The following MAML2 variants were observed in gnomAD, a reference collection of about 807,000 sequenced individuals.
The protein encoded by MAML2 is mastermind like transcriptional coactivator 2, also known as mastermind-like protein 2.
In MAML2, 22 loss-of-function variants were observed where a neutral mutation model predicts 96.1. The ratio of observed to expected loss-of-function variants is 0.23; its 90% CI spans 0.16 to 0.33. The LOEUF (loss-of-function observed/expected upper bound fraction) is 0.33, where lower values mean the gene tolerates loss of function less well. MAML2 is among the 10% of genes least tolerant of loss of function. The probability of loss-of-function intolerance (pLI) is 1.00; values close to 1 mark genes in which losing one functional copy is unlikely to be tolerated. For synonymous variants in MAML2, 561 were observed against 521.3 expected (o/e 1.08, Z -1.04); for missense variants, 1,367 against 1,392.4 (o/e 0.98, Z 0.29).
intron 1 of MAML2, among the ~76,000 whole-genome samples, chr11:96,124,606 T>C (rs771904990): frequency 2.0e-5 from 3 of 152,210 alleles, no homozygotes; most frequent in African/African-American, 7.2e-5. Context: ...TAAAGTTCTG[T>C]AGACACCAGG....
intron 1 of MAML2, among the ~76,000 whole-genome samples, chr11:96,294,760 A>C (rs140322294): frequency 1.2e-4 from 18 of 152,324 alleles, no homozygotes; most frequent in African/African-American, 4.1e-4. Flanking sequence ...CCAATTTATC[A>C]ACACTATAAA....
chr11:96,241,874 GT>G (rs778101850), intron 1 of MAML2, among the ~76,000 whole-genome samples: 3 of 150,970 alleles, frequency 2.0e-5, no homozygotes, highest in Non-Finnish European at 4.4e-5. Flanking sequence ...GTTTGAATTA[GT>G]TTGTTTGGTC....
At chr11:96,260,544 G>A (rs555329) in intron 1 of MAML2, among the ~76,000 whole-genome samples, 88,988 of 152,008 alleles carry the variant, frequency 0.59, 26,361 homozygotes, top group South Asian at 0.76. Flanking sequence ...TTTCTGATAA[G>A]AGGAACACCA....
chr11:96,330,304 C>T (rs1312969807), intron 1 of MAML2, among the ~76,000 whole-genome samples: 1 of 152,172 alleles, frequency 6.6e-6, no homozygotes, highest in Admixed American at 6.5e-5. Context: ...GTTTGTTAAG[C>T]TGTGCCATGT....
intron 1 of MAML2, among the ~76,000 whole-genome samples, chr11:96,283,701 A>G (rs898821313): frequency 3.3e-5 from 5 of 152,206 alleles, no homozygotes; most frequent in African/African-American, 1.2e-4. Context: ...CTGGATTCAC[A>G]AGGGTCGCTG....
rs12164810 is a variant in MAML2 at position 96,166,154 on chromosome 11, G to C, written c.514-72637C>G. Among the ~76,000 whole-genome samples the C allele has an allele frequency of 2.0e-3, 227 of 113,830 alleles. 1 individual carries two copies. Among genetic ancestry groups the C allele is most frequent in the East Asian group, 0.012 (51 of 4,100 alleles). 74.7% of individuals were successfully genotyped at this position (113,830 alleles called of 152,430 possible). A position where few individuals can be genotyped will look rare whatever the true frequency, so the allele number is the denominator to read the frequency against. On this transcript the variant is annotated intron_variant, in intron 1 of 4. Coordinates refer to ENST00000524717, the MANE Select transcript of MAML2 (RefSeq NM_032427.4). ...TTTCTCTGTCTCTCTCTCTCTGTCT[G>C]TCTCTCTCTCTCTCTCTCTCTCTCA...
At chr11:96,191,076 A>G (rs1861645632) in intron 1 of MAML2, among the ~76,000 whole-genome samples, 1 of 152,202 alleles carries the variant, frequency 6.6e-6, no homozygotes, top group Non-Finnish European at 1.5e-5. Context: ...ATACCAGGCT[A>G]TAGATGCAGA....
intron 2 of MAML2, among the ~76,000 whole-genome samples, chr11:96,045,918 T>C (rs201655551): frequency 0.042 from 6,305 of 150,536 alleles, 406 homozygotes; most frequent in African/African-American, 0.13. Flanking sequence ...TTTTTTTTTT[T>C]CCCCCATTCC....
intron 1 of MAML2, among the ~76,000 whole-genome samples, chr11:96,224,513 C>T (rs1862184669): frequency 6.6e-6 from 1 of 152,172 alleles, no homozygotes; most frequent in East Asian, 1.9e-4. Flanking sequence ...CAAGTTCTTC[C>T]AAGATGTCTT....
At chr11:96,205,254 A>C (rs16923264) in intron 1 of MAML2, among the ~76,000 whole-genome samples, 11,414 of 152,280 alleles carry the variant, frequency 0.075, 492 homozygotes, top group Middle Eastern at 0.11. Flanking sequence ...TGAATGCAGC[A>C]AACTTACCAA....
chr11:96,249,518 T>A (rs1228372090), intron 1 of MAML2, among the ~76,000 whole-genome samples: 1 of 152,072 alleles, frequency 6.6e-6, no homozygotes, highest in Non-Finnish European at 1.5e-5. Flanking sequence ...TCTTCTTTCC[T>A]CAGTAACCAA....
At position 96,163,964 on chromosome 11, in the gene MAML2, G is replaced by T. The variant is rs188836660; in HGVS notation, c.514-70447C>A. 4.6e-3 allele frequency among the ~76,000 whole-genome samples: 702 copies of T among 151,234 alleles called. 7 individuals are homozygous for T. The highest frequency in any genetic ancestry group is 0.016 in the African/African-American group (669 of 41,114). On this transcript the variant is annotated intron_variant, in intron 1 of 4. Coordinates refer to ENST00000524717, the MANE Select transcript of MAML2 (RefSeq NM_032427.4). ...TGCAACCTCTGCCTCCCGGGTTCAA[G>T]CGATTCTCCTACCTCAGCCTCCTGA...
intron 2 of MAML2, among the ~76,000 whole-genome samples, chr11:96,064,650 G>A (rs1016736251): frequency 6.6e-6 from 1 of 152,160 alleles, no homozygotes; most frequent in Non-Finnish European, 1.5e-5. Flanking sequence ...AATATATTCA[G>A]ACTGTGGACT....
intron 1 of MAML2, among the ~76,000 whole-genome samples, chr11:96,323,674 C>A (rs977568490): frequency 4.6e-5 from 7 of 152,228 alleles, no homozygotes; most frequent in South Asian, 2.1e-4. Context: ...AACAATTCAT[C>A]CGGAATCTCT....
intron 1 of MAML2, among the ~76,000 whole-genome samples, chr11:96,332,284 G>C (rs1004996420): frequency 3.9e-5 from 6 of 152,206 alleles, no homozygotes; most frequent in African/African-American, 1.4e-4. Flanking sequence ...AAGGGCTCCT[G>C]AGCCAGTATC....
chr11:96,125,902 G>C (rs1860430530), intron 1 of MAML2, among the ~76,000 whole-genome samples: 1 of 152,164 alleles, frequency 6.6e-6, no homozygotes, highest in Non-Finnish European at 1.5e-5. Context: ...GAAGCAAAGG[G>C]CGTAGATTCT....
In MAML2 at chr11:96,341,829, G is replaced by A; in HGVS notation, c.67C>T (p.Leu23Phe). Residue 23 changes from leucine (L) to phenylalanine (F), a missense_variant, in exon 1 of 5, where the codon CTT becomes TTT. Leu to Phe is a conservative substitution (Grantham distance 22). Transcript: ENST00000524717. ...CTCGGGGTGACTGAGCCCCCTCCAA[G>A]GAGCCCCGCCCCAGAGGCCCCCCCT... ...GLGGASGAGLLGGGSVTPRVH... is the reference protein window; with the variant it reads ...GLGGASGAGLFGGGSVTPRVH... 1.3e-6 allele frequency: 2 copies of A among 1,584,046 alleles called. No individual in the cohort carries two copies. The highest frequency in any genetic ancestry group is 2.3e-5 in the East Asian group (1 of 43,664).
chr11:96,254,473 C>A (rs1340627245), intron 1 of MAML2, among the ~76,000 whole-genome samples: 1 of 147,532 alleles, frequency 6.8e-6, no homozygotes, highest in African/African-American at 2.5e-5. Flanking sequence ...GAAGTAAAAT[C>A]TTTGGGATCT....
Position 96,092,390 on chromosome 11 carries a change from T to G in MAML2, c.1641A>C (p.Pro547=). Residue 547 remains proline, a synonymous_variant, in exon 2 of 5, where the codon CCA becomes CCC. Coordinates refer to ENST00000524717, the MANE Select transcript of MAML2 (RefSeq NM_032427.4). This position sits in a 1 kb window ranked among gnomAD's most constrained non-coding sequence, Gnocchi z 4.1. ...TGTTGCCCTGACGGGGCTCCATGGC[T>G]GGGTGCGGGTTGTTAATAAAACTTC... ...LSRSFINNPH[P]AMEPRQGNTK... is the part of the protein sequence containing the mutation. 1.9e-6 allele frequency: 3 copies of G among 1,613,966 alleles called. No individual in the cohort carries two copies. The highest frequency in any genetic ancestry group is 1.7e-6 in the Non-Finnish European group (2 of 1,179,888).
Sources: gnomAD v4.1 joint callset for allele counts (sites outside exome capture counted in the v4.1 genomes callset) on GRCh38, gnomAD v4.1.1 for gene constraint, Gnocchi (gnomAD v3.1) non-coding constraint, MANE v1.5 for transcripts, NCBI Gene and HGNC (gene_info 2026-07-23, HGNC 2026-07-21) for gene names.